Variants in SUPT3H observed in about 807,000 individuals in gnomAD.
SUPT3H encodes transcription initiation protein SPT3 homolog.
Under a neutral mutation model 44.3 loss-of-function variants are expected in SUPT3H, and 44 were observed. That is an observed-to-expected ratio of 0.99 (90% CI 0.78 to 1.28). The LOEUF (loss-of-function observed/expected upper bound fraction) is 1.28. Ranked by LOEUF, SUPT3H falls within the 50% of genes most tolerant of loss-of-function variation. The pLI is 0.00. For missense variants in SUPT3H, 380 were observed against 387.1 expected (o/e 0.98, Z 0.15); for synonymous variants, 124 against 125.6 (o/e 0.99, Z 0.09).
At chr6:45,069,650 C>T (rs924451971) in intron 3 of SUPT3H, among the ~76,000 whole-genome samples, 4 of 152,078 alleles carry the variant, frequency 2.6e-5, no homozygotes, top group Non-Finnish European at 5.9e-5. Flanking sequence ...AGATTAACTG[C>T]TTAAGCATTA....
rs1162953634 is a variant in SUPT3H, at chr6:45,273,542, G to C, written c.101+91659C>G. Among the ~76,000 whole-genome samples the C allele has an allele frequency of 2.0e-5, 3 of 152,162 alleles. No individual in the cohort carries two copies. In the South Asian group the frequency reaches 6.2e-4, roughly 32 times the overall value. ...CATACATGTTATAACAAGTTAGTAAGAGTTTATTTTGTTGTTTAAAAAAAA... is the reference window on the plus strand; with the variant it reads ...CATACATGTTATAACAAGTTAGTAACAGTTTATTTTGTTGTTTAAAAAAAA... On this transcript the variant is annotated intron_variant, in intron 2 of 10. Transcript: ENST00000371459.
At chr6:44,821,636 C>T (rs1267393108) in intron 11 of SUPT3H, among the ~76,000 whole-genome samples, 1 of 151,984 alleles carries the variant, frequency 6.6e-6, no homozygotes, top group Admixed American at 6.6e-5. Context: ...TGAAATGTTT[C>T]AAATAGGCAA....
intron 10 of SUPT3H, among the ~76,000 whole-genome samples, chr6:44,867,464 A>C (rs1030493694): frequency 6.6e-6 from 1 of 152,212 alleles, no homozygotes; most frequent in African/African-American, 2.4e-5. Flanking sequence ...TCAATTCAGA[A>C]TGCTTTAAAT....
intron 2 of SUPT3H, among the ~76,000 whole-genome samples, chr6:45,181,369 T>C (rs1383849084): frequency 2.0e-5 from 3 of 151,890 alleles, no homozygotes; most frequent in African/African-American, 7.3e-5. Context: ...TTACTGGGTA[T>C]ATACCCAAAG....
intron 10 of SUPT3H, 25 bp downstream of exon 10, chr6:44,932,628 T>G (rs1770764661): frequency 6.6e-7 from 1 of 1,515,206 alleles, no homozygotes; most frequent in Non-Finnish European, 9.0e-7. Context: ...TAAATATAAC[T>G]TTTTATAACT....
intron 2 of SUPT3H, among the ~76,000 whole-genome samples, chr6:45,293,985 T>C (rs528104408): frequency 1.3e-5 from 2 of 152,262 alleles, no homozygotes; most frequent in East Asian, 3.9e-4. Flanking sequence ...AATCATTCTA[T>C]GAAGCCATTA....
intron 2 of SUPT3H, among the ~76,000 whole-genome samples, chr6:45,271,360 G>A (rs558994100): frequency 1.1e-4 from 17 of 152,260 alleles, no homozygotes; most frequent in East Asian, 3.9e-4. Context: ...CAGGGTCCCC[G>A]CGGTGTGTGC....
At chr6:45,024,629 T>C (rs1299982819) in intron 3 of SUPT3H, among the ~76,000 whole-genome samples, 1 of 152,196 alleles carries the variant, frequency 6.6e-6, no homozygotes, top group Non-Finnish European at 1.5e-5. Context: ...CTTTTTACCT[T>C]TGTGTACTTG....
chr6:45,157,729 A>C (rs1808080404), intron 2 of SUPT3H, among the ~76,000 whole-genome samples: 3 of 151,570 alleles, frequency 2.0e-5, no homozygotes, highest in Non-Finnish European at 4.4e-5. Flanking sequence ...TTGTATTTTT[A>C]GTAGAGACAG....
At chr6:45,370,285 C>T (rs1795840372) in intron 1 of SUPT3H, among the ~76,000 whole-genome samples, 1 of 152,018 alleles carries the variant, frequency 6.6e-6, no homozygotes, top group African/African-American at 2.4e-5. Context: ...TGATGGATTA[C>T]ACGTGGGGTG....
chr6:45,008,060 ATACT>A (rs1437934276), intron 5 of SUPT3H, among the ~76,000 whole-genome samples: 1 of 152,114 alleles, frequency 6.6e-6, no homozygotes, highest in Non-Finnish European at 1.5e-5. Context: ...TGAATATTCC[ATACT>A]TATTTATCCA....
chr6:45,287,783 G>T (rs1779563315), intron 2 of SUPT3H, among the ~76,000 whole-genome samples: 1 of 152,116 alleles, frequency 6.6e-6, no homozygotes, highest in Non-Finnish European at 1.5e-5. Flanking sequence ...CTACAATTTT[G>T]AAAAGCACAA....
intron 6 of SUPT3H, among the ~76,000 whole-genome samples, chr6:44,989,976 T>G (rs1369493467): frequency 6.6e-6 from 1 of 152,150 alleles, no homozygotes; most frequent in South Asian, 2.1e-4. Context: ...CTTTTTCCTT[T>G]GCCATGCAGA....
intron 2 of SUPT3H, among the ~76,000 whole-genome samples, chr6:45,141,491 C>G (rs1356207982): frequency 1.3e-5 from 2 of 148,988 alleles, no homozygotes; most frequent in African/African-American, 2.5e-5. Context: ...GAAATAGGTA[C>G]AGAAAAGAAA....
chr6:44,812,895 A>G (rs1025146833), intron 11 of SUPT3H, among the ~76,000 whole-genome samples: 2 of 152,102 alleles, frequency 1.3e-5, no homozygotes, highest in African/African-American at 4.8e-5. Flanking sequence ...TCTGCATGCA[A>G]TTTCCCCTTG....
chr6:45,208,873 G>A (rs559659304), intron 2 of SUPT3H, among the ~76,000 whole-genome samples: 1 of 24,834 alleles, frequency 4.0e-5, no homozygotes, highest in East Asian at 2.1e-3. Context: ...AGGGGCTCAT[G>A]AGGCTGATGA....
chr6:44,948,492 C>G (rs1007575980), intron 9 of SUPT3H, among the ~76,000 whole-genome samples: 12 of 152,142 alleles, frequency 7.9e-5, no homozygotes, highest in African/African-American at 2.9e-4. Flanking sequence ...ATCTACCCAT[C>G]TGACAAAGGG....
exon 12 of SUPT3H, chr6:44,809,343 C>G (rs1173467187): frequency 6.6e-6 from 1 of 152,180 alleles, no homozygotes; most frequent in African/African-American, 2.4e-5. Flanking sequence ...CTTCCGTAGC[C>G]AAATTGTTTC....
chr6:45,319,746 C>T (rs948585221), intron 2 of SUPT3H, among the ~76,000 whole-genome samples: 1 of 152,028 alleles, frequency 6.6e-6, no homozygotes, highest in African/African-American at 2.4e-5. Context: ...TCAAATATAA[C>T]TAGTTACTTT....
Sources: allele counts gnomAD v4.1 joint callset (sites outside exome capture counted in the v4.1 genomes callset), GRCh38; gene constraint gnomAD v4.1.1; transcripts MANE v1.5; gene names NCBI Gene and HGNC (gene_info 2026-07-23, HGNC 2026-07-21).